The following COL6A1 variants were observed in gnomAD, a reference collection of about 807,000 sequenced individuals.
COL6A1 encodes the protein collagen type VI alpha 1 chain.
A neutral mutation model predicts 145.6 loss-of-function variants in COL6A1; 80 were observed. The ratio of observed to expected loss-of-function variants is 0.55; its 90% CI spans 0.46 to 0.66. COL6A1 has a LOEUF of 0.66. Ranked by LOEUF, COL6A1 falls within the 30% of genes least tolerant of loss-of-function variation. The pLI is 0.00. For synonymous variants in COL6A1, 638 were observed against 622.8 expected, an observed-to-expected ratio of 1.02 and a Z score of -0.36; for missense variants, 1,364 against 1,473.8, an observed-to-expected ratio of 0.93 and a Z score of 1.22.
In COL6A1 at chr21:46,003,406, C is replaced by T. The variant is rs761774962; in HGVS notation, c.2480C>T (p.Pro827Leu). 1.7e-5 allele frequency: 28 copies of T among 1,601,154 alleles called. No homozygotes were observed. In the Middle Eastern group the frequency reaches 6.6e-4, roughly 38 times the overall value. ...CGCCCCGCAGTCACGTTCTCCTCCC[C>T]GGCTGACATCACCATCCTGCTGGAC... The part of the protein sequence containing the change: ...DYTCPITFSS[P>L]ADITILLDGS... Residue 827 changes from proline to leucine, a missense_variant, in exon 35 of 35, where the codon CCG becomes CTG. Around this residue, in one of 3 missense-constraint regions of COL6A1, gnomAD observed 938 missense variants for 1,003.8 expected, o/e 0.93. Transcript: ENST00000361866.
rs1388151508 is a variant in COL6A1 at position 45,998,422 on chromosome 21, C to G, written c.1600C>G (p.Pro534Ala). The G allele has an allele frequency of 6.2e-7, 1 of 1,613,156 alleles. No individual in the cohort carries two copies. Among genetic ancestry groups the G allele is most frequent in the Non-Finnish European group, 8.5e-7 (1 of 1,180,012 alleles). ...GGGGTATCCGGGCAACAGGGGCGCT[C>G]CCGGGATAAACGTGAGTACGCCCCC... ...FPGYPGNRGA[P>A]GINGTKGYPG... Residue 534 changes from proline (P) to alanine (A), a missense_variant, in exon 24 of 35, where the codon CCC becomes GCC. Pro to Ala is a conservative substitution (Grantham distance 27). Around this residue, in one of 3 missense-constraint regions of COL6A1, gnomAD observed 938 missense variants for 1,003.8 expected, o/e 0.93. Transcript: ENST00000361866.
At chr21:45,993,879 G>T (rs142493024) in intron 19 of COL6A1, among the ~76,000 whole-genome samples, 3 of 152,228 alleles carry the variant, frequency 2.0e-5, no homozygotes, top group African/African-American at 7.2e-5. Context: ...AACACTTGCC[G>T]GGTCCACGGA....
chr21:45,994,238 C>A lies in COL6A1; in HGVS notation c.1398+9C>A, dbSNP rs1177202305. 3 of 1,607,816 alleles carry A rather than the reference C, an allele frequency of 1.9e-6. No homozygotes were observed. The highest frequency in any genetic ancestry group is 2.2e-5 in the East Asian group (1 of 44,666). ...GTGTCCCTGGAGACCCGGTAGGAAG[C>A]GCTGTGGGGTTGGGGGGCGTTGGCC... On this transcript the variant is annotated intron_variant, in intron 20 of 34. Transcript: ENST00000361866. This position sits in a 1 kb window ranked among gnomAD's most constrained non-coding sequence, Gnocchi z 6.8.
intron 23 of COL6A1, 96 bp downstream of exon 23, chr21:45,998,267 C>T: frequency 6.3e-7 from 1 of 1,579,100 alleles, no homozygotes; most frequent in Admixed American, 1.8e-5. Flanking sequence ...CGGGCTGGCC[C>T]CAGGACCGCC....
In COL6A1 at chr21:45,991,086, G is replaced by A. The variant is rs886907069; in HGVS notation, c.1119+45G>A. On this transcript the variant is annotated intron_variant, in intron 15 of 34. Transcript: ENST00000361866. The stretch of plus-strand genomic sequence containing the variant: ...TGGAGGACCAGGGCCTTCACGGTTG[G>A]CCAAGCGCTGAATTGGAAACCTCTC... 3.8e-6 allele frequency: 6 copies of A among 1,599,672 alleles called. No homozygotes were observed. The East Asian group carries it at 1.1e-4, about 30-fold the overall frequency.
chr21:45,985,135 CAG>C (rs1427299846), intron 3 of COL6A1, among the ~76,000 whole-genome samples: 2 of 146,002 alleles, frequency 1.4e-5, no homozygotes, highest in African/African-American at 5.1e-5. Context: ...GACAGAGAGA[CAG>C]AGACAGAGAC....
At chr21:45,997,945 GC>G (rs2077815726) in intron 22 of COL6A1, among the ~76,000 whole-genome samples, 175 bp from the exon 23 acceptor site, 1 of 152,086 alleles carries the variant, frequency 6.6e-6, no homozygotes, top group South Asian at 2.1e-4. Flanking sequence ...GGCCCCTCCT[GC>G]CCCGAGATCC....
chr21:46,002,785 G>A (rs1466550286), intron 33 of COL6A1, 75 bp downstream of exon 33: 2 of 1,470,136 alleles, frequency 1.4e-6, no homozygotes, highest in Non-Finnish European at 9.3e-7. Flanking sequence ...TCCCAGATCT[G>A]CGTAGGTGCA....
At chr21:45,997,623 G>T in intron 21 of COL6A1, 77 bp from the exon 22 acceptor site, 1 of 1,549,288 alleles carries the variant, frequency 6.5e-7, no homozygotes, top group Non-Finnish European at 8.8e-7. Context: ...GACCTCTCCC[G>T]GCCCCAGGAG....
At chr21:45,989,899 C>T (rs2077764183) in intron 11 of COL6A1, 121 bp downstream of exon 11, 3 of 1,304,556 alleles carry the variant, frequency 2.3e-6, no homozygotes, top group Admixed American at 1.8e-5. Context: ...TGCAGACCCG[C>T]TCCACCGCCC....
chr21:45,986,726 G>A, intron 4 of COL6A1, 41 bp downstream of exon 4: 2 of 1,538,060 alleles, frequency 1.3e-6, no homozygotes, highest in Non-Finnish European at 1.7e-6. Flanking sequence ...CCAACCACAG[G>A]GAGTGGCGGC....
At position 45,990,971 on chromosome 21, in the gene COL6A1, T is replaced by G; in HGVS notation, c.1057-8T>G. On this transcript the variant is annotated splice_polypyrimidine_tract_variant and splice_region_variant and intron_variant, in intron 14 of 34. Transcript: ENST00000361866. ...GCCGGTGGTGTCATGCTGCCCTCTTTTCTCCAGGGCATTCAAGGACCCCCT... is the reference window on the plus strand; with the variant it reads ...GCCGGTGGTGTCATGCTGCCCTCTTGTCTCCAGGGCATTCAAGGACCCCCT... 1 of 1,613,434 alleles carries G rather than the reference T, an allele frequency of 6.2e-7. No homozygotes were observed. The highest frequency in any genetic ancestry group is 1.1e-5 in the South Asian group (1 of 91,076).
intron 20 of COL6A1, 92 bp from the exon 21 acceptor site, chr21:45,997,329 G>C: frequency 1.7e-6 from 2 of 1,195,536 alleles, no homozygotes; most frequent in East Asian, 2.3e-5. Context: ...GGGCCCTGAT[G>C]CCTCTTGGTC....
chr21:45,997,874 G>A lies in COL6A1; in HGVS notation c.1524+112G>A, dbSNP rs139252296. 18,220 of 1,257,310 alleles carry A rather than the reference G, an allele frequency of 0.014. 154 individuals are homozygous for A. Among genetic ancestry groups the A allele is most frequent in the Non-Finnish European group, 0.016 (14,637 of 904,914 alleles). 77.9% of individuals were successfully genotyped at this position (1,257,310 alleles called of 1,614,324 possible). A position where few individuals can be genotyped will look rare whatever the true frequency, so the allele number is the denominator to read the frequency against. ...TGGGGTCCCTGACCGGGCCGGGAGT[G>A]CCCGCAGCATCACTGGCTCCTGGCC... On this transcript the variant is annotated intron_variant, in intron 22 of 34. Transcript: ENST00000361866.
In COL6A1 at chr21:45,997,680, C is replaced by G. The variant is rs774637944; in HGVS notation, c.1462-20C>G. The G allele has an allele frequency of 6.3e-7, 1 of 1,578,188 alleles. No homozygotes were observed. The highest frequency in any genetic ancestry group is 2.3e-5 in the East Asian group (1 of 42,876). ...CACCATGCTAAGCCTGCTCCCCTCA[C>G]GCCTCCTCTTCCTCCTCAGGGTGCC... On this transcript the variant is annotated intron_variant, in intron 21 of 34. Coordinates refer to ENST00000361866, the MANE Select transcript of COL6A1 (RefSeq NM_001848.3).
chr21:45,984,012 C>T (rs1414251139), intron 2 of COL6A1, among the ~76,000 whole-genome samples: 1 of 152,222 alleles, frequency 6.6e-6, no homozygotes, highest in Non-Finnish European at 1.5e-5. Flanking sequence ...CCCAAGGACC[C>T]CACCCCAGCA....
chr21:45,994,182 C>G lies in COL6A1; in HGVS notation c.1351C>G (p.Gln451Glu). 6.2e-7 allele frequency: 1 copy of G among 1,605,344 alleles called. No individual in the cohort carries two copies. The highest frequency in any genetic ancestry group is 1.1e-5 in the South Asian group (1 of 89,044). The change falls in exon 20 of 35, where the codon CAG becomes GAG. Residue 451 changes from glutamine to glutamate, a missense_variant. By Grantham distance (29) the Gln-to-Glu change is conservative (BLOSUM62 2). Around this residue, in one of 3 missense-constraint regions of COL6A1, gnomAD observed 938 missense variants for 1,003.8 expected, o/e 0.93. Coordinates refer to ENST00000361866, the MANE Select transcript of COL6A1 (RefSeq NM_001848.3). This position sits in a 1 kb window ranked among gnomAD's most constrained non-coding sequence, Gnocchi z 6.8. ...PRGDPGEAGPQGDQGREGPVG... is the reference protein window; with the variant it reads ...PRGDPGEAGPEGDQGREGPVG... ...TTCTCTTCAGGGTGAAGCTGGCCCG[C>G]AGGGTGATCAGGGAAGAGAAGGCCC...
Position 46,003,669 on chromosome 21 carries a change from G to T in COL6A1, c.2743G>T (p.Asp915Tyr). 6.2e-7 allele frequency: 1 copy of T among 1,613,080 alleles called. No individual in the cohort carries two copies. The highest frequency in any genetic ancestry group is 8.5e-7 in the Non-Finnish European group (1 of 1,179,940). Residue 915 changes from aspartate (D) to tyrosine (Y), a missense_variant, in exon 35 of 35, where the codon GAC becomes TAC. Transcript: ENST00000361866. ...CATGGACTTTATCAACGACGCCACC[G>T]ACGTCAACGATGCCCTGGGCTATGT... ...DAMDFINDAT[D>Y]VNDALGYVTR... is the part of the protein sequence containing the mutation.
rs751332422 is a variant in COL6A1 at position 45,987,083 on chromosome 21, T to G, written c.717+11T>G. 31 of 1,561,152 alleles carry G rather than the reference T, an allele frequency of 2.0e-5. No homozygotes were observed. In the South Asian group the frequency reaches 3.5e-4, roughly 18 times the overall value. Reference sequence around the variant, plus strand: ...ATCGTGGACATGATCGTGAGGCCCCTGCCCAGGAGACGGGGAGGCCCGCGG... The same window carrying G: ...ATCGTGGACATGATCGTGAGGCCCCGGCCCAGGAGACGGGGAGGCCCGCGG... On this transcript the variant is annotated intron_variant, in intron 5 of 34. Coordinates refer to ENST00000361866, the MANE Select transcript of COL6A1 (RefSeq NM_001848.3).
Sources: gnomAD v4.1 joint callset for allele counts (sites outside exome capture counted in the v4.1 genomes callset) on GRCh38, gnomAD v4.1.1 for gene constraint, gnomAD v4.1.1 regional missense constraint, Gnocchi (gnomAD v3.1) non-coding constraint, MANE v1.5 for transcripts, NCBI Gene and HGNC (gene_info 2026-07-23, HGNC 2026-07-21) for gene names.